The following PCDHGB1 variants were observed in gnomAD, a reference collection of about 807,000 sequenced individuals.
PCDHGB1 encodes the protein protocadherin gamma subfamily B, 1.
In PCDHGB1, 34 loss-of-function variants were observed where a neutral mutation model predicts 56.6. The ratio of observed to expected loss-of-function variants is 0.60; its 90% CI spans 0.46 to 0.80. The LOEUF is 0.80. Among genes scored for constraint, PCDHGB1 ranks in the 30% least tolerant of loss-of-function variants. The pLI is 0.00. For missense variants in PCDHGB1, 1,278 were observed against 1,204.6 expected (o/e 1.06, Z -0.90); for synonymous variants, 561 against 505.9 (o/e 1.11, Z -1.46).
At chr5:141,404,000 A>G (rs758512396) in intron 1 of PCDHGB1, 1 of 1,613,956 alleles carries the variant, frequency 6.2e-7, no homozygotes. Flanking sequence ...AGTGACCATT[A>G]CATCTCTGTT....
intron 1 of PCDHGB1, among the ~76,000 whole-genome samples, chr5:141,452,815 A>G (rs1199990390): frequency 6.6e-6 from 1 of 152,186 alleles, no homozygotes; most frequent in Admixed American, 6.5e-5. Flanking sequence ...TTTGTTCATA[A>G]GAAGCAAAAT....
At chr5:141,371,046 G>A (rs748244003) in intron 1 of PCDHGB1, 1 of 1,613,962 alleles carries the variant, frequency 6.2e-7, no homozygotes, top group South Asian at 1.1e-5. Context: ...TGTGGATGGG[G>A]GCGAGCCCTC....
chr5:141,364,818 G>A lies in PCDHGB1; in HGVS notation c.2409+12149G>A. ...CCCTTCGCGCGGGATGCGGATGTGGGTGTGAACTCTCTCCGGAGTTACCAG... is the reference window on the plus strand; with the variant it reads ...CCCTTCGCGCGGGATGCGGATGTGGATGTGAACTCTCTCCGGAGTTACCAG... On this transcript the variant is annotated intron_variant, in intron 1 of 3. Transcript: ENST00000523390. 1 of 1,614,014 alleles carries A rather than the reference G, an allele frequency of 6.2e-7. No individual in the cohort carries two copies. The highest frequency in any genetic ancestry group is 8.5e-7 in the Non-Finnish European group (1 of 1,179,904).
At chr5:141,393,304 T>G (rs1317637425) in intron 1 of PCDHGB1, 3 of 1,613,680 alleles carry the variant, frequency 1.9e-6, no homozygotes, top group Admixed American at 1.7e-5. Context: ...GATGTGGGCG[T>G]GAACTCCCTC....
intron 1 of PCDHGB1, chr5:141,357,505 A>G: frequency 6.2e-7 from 1 of 1,614,212 alleles, no homozygotes. Context: ...GAGTCACCTG[A>G]TCTTCTCCCA....
At chr5:141,372,213 C>A (rs999187008) in intron 1 of PCDHGB1, 1 of 1,613,592 alleles carries the variant, frequency 6.2e-7, no homozygotes, top group Non-Finnish European at 8.5e-7. Flanking sequence ...GCTGTCCTAC[C>A]ACATTGTGCA....
chr5:141,400,005 T>A, intron 1 of PCDHGB1: 1 of 1,612,520 alleles, frequency 6.2e-7, no homozygotes, highest in Non-Finnish European at 8.5e-7. Context: ...GCACAGCGCG[T>A]GCCTTGGGCG....
intron 1 of PCDHGB1, chr5:141,376,018 C>T (rs761668305): frequency 9.9e-6 from 16 of 1,613,312 alleles, no homozygotes; most frequent in Admixed American, 5.0e-5. Flanking sequence ...TAGTGGTGGC[C>T]GTCCAGGACC....
intron 1 of PCDHGB1, chr5:141,413,478 T>C (rs755324008): frequency 6.2e-7 from 1 of 1,614,074 alleles, no homozygotes; most frequent in East Asian, 2.2e-5. Flanking sequence ...AGCTCTGCGC[T>C]CAGAGCGCGC....
At chr5:141,414,583 G>A (rs570765907) in intron 1 of PCDHGB1, 1 of 1,613,736 alleles carries the variant, frequency 6.2e-7, no homozygotes, top group Non-Finnish European at 8.5e-7. Context: ...AGAGAACAAC[G>A]CCAGGGGTGC....
At chr5:141,371,965 A>T (rs746190919) in intron 1 of PCDHGB1, 1 of 1,613,282 alleles carries the variant, frequency 6.2e-7, no homozygotes, top group South Asian at 1.1e-5. Context: ...GACCACGAGC[A>T]GCTGCGTGCC....
intron 1 of PCDHGB1, chr5:141,478,871 T>C: frequency 2.4e-6 from 3 of 1,274,796 alleles, no homozygotes; most frequent in Non-Finnish European, 3.1e-6. Flanking sequence ...GCGATCAGAG[T>C]TTAGCTTGGT....
Position 141,490,369 on chromosome 5 carries a change from C to T in PCDHGB1, c.2410-4438C>T, listed in dbSNP as rs201347968. On this transcript the variant is annotated intron_variant, in intron 1 of 3. Transcript: ENST00000523390. This position sits in a 1 kb window ranked among gnomAD's most constrained non-coding sequence, Gnocchi z 5.4. ...AGTGGGGTTGTTTAATGTGCGAGAC[C>T]GGGACTCAGGTAGAAATGGTGAAGT... The T allele has an allele frequency of 4.0e-5, 64 of 1,614,090 alleles. No individual in the cohort carries two copies. In the Admixed American group the frequency reaches 6.0e-4, roughly 15 times the overall value.
At chr5:141,451,224 C>G (rs2098710956) in intron 1 of PCDHGB1, among the ~76,000 whole-genome samples, 1 of 152,170 alleles carries the variant, frequency 6.6e-6, no homozygotes, top group South Asian at 2.1e-4. Flanking sequence ...TTAAAAGAAG[C>G]ATTTATTATC....
At position 141,476,602 on chromosome 5, in the gene PCDHGB1, C is replaced by T; in HGVS notation, c.2410-18205C>T. 6.2e-7 allele frequency: 1 copy of T among 1,614,208 alleles called. No homozygotes were observed. Among genetic ancestry groups the T allele is most frequent in the Middle Eastern group, 1.6e-4 (1 of 6,062 alleles). Reference sequence around the variant, plus strand: ...TTCCGCTCGAGAGCGCGCACGATCCCGATGTGGGAAGCAACTCTTTACAAA... The same window carrying T: ...TTCCGCTCGAGAGCGCGCACGATCCTGATGTGGGAAGCAACTCTTTACAAA... On this transcript the variant is annotated intron_variant, in intron 1 of 3. Coordinates refer to ENST00000523390, the MANE Select transcript of PCDHGB1 (RefSeq NM_018922.3). The surrounding 1 kb of genome is among the most constrained non-coding windows in gnomAD (Gnocchi z 7.6).
chr5:141,355,630 G>A lies in PCDHGB1; in HGVS notation c.2409+2961G>A, dbSNP rs189922397. Reference sequence around the variant, plus strand: ...AGAACAGAGGGAAATAAAAGTTGCTGAAAATGAAAATCCTGGGGCAAGATT... The same window carrying A: ...AGAACAGAGGGAAATAAAAGTTGCTAAAAATGAAAATCCTGGGGCAAGATT... On this transcript the variant is annotated intron_variant, in intron 1 of 3. Coordinates refer to ENST00000523390, the MANE Select transcript of PCDHGB1 (RefSeq NM_018922.3). The A allele has an allele frequency of 1.9e-6, 3 of 1,613,990 alleles. No homozygotes were observed. In the Admixed American group the frequency reaches 5.0e-5, roughly 27 times the overall value.
chr5:141,510,280 A>G (rs1218058358), intron 3 of PCDHGB1, among the ~76,000 whole-genome samples: 1 of 151,892 alleles, frequency 6.6e-6, no homozygotes, highest in Non-Finnish European at 1.5e-5. Context: ...CTTAAAAAAA[A>G]AAAAAAAAAA....
intron 1 of PCDHGB1, chr5:141,389,691 T>G: frequency 6.2e-7 from 1 of 1,612,564 alleles, no homozygotes; most frequent in Non-Finnish European, 8.5e-7. Context: ...CGCCTGGCTG[T>G]CCTACCACGT....
intron 2 of PCDHGB1, among the ~76,000 whole-genome samples, chr5:141,497,553 T>G (rs2099777684): frequency 6.6e-6 from 1 of 151,326 alleles, no homozygotes; most frequent in Non-Finnish European, 1.5e-5. Flanking sequence ...TTTTTTTTTT[T>G]TTTTTAGACA....
Sources: allele counts gnomAD v4.1 joint callset (sites outside exome capture counted in the v4.1 genomes callset), GRCh38; gene constraint gnomAD v4.1.1; non-coding constraint Gnocchi (gnomAD v3.1); transcripts MANE v1.5; gene names NCBI Gene and HGNC (gene_info 2026-07-23, HGNC 2026-07-21).